The following PDGFC variants were observed in gnomAD, a reference collection of about 807,000 sequenced individuals.
The protein encoded by PDGFC is platelet-derived growth factor C.
Under a neutral mutation model 35.5 loss-of-function variants are expected in PDGFC, and 12 were observed. That is an observed-to-expected ratio of 0.34 (90% confidence interval 0.22 to 0.55). The LOEUF is 0.55. PDGFC is among the 20% of genes least tolerant of loss of function. The probability of loss-of-function intolerance (pLI) is 0.91; values close to 1 mark genes in which losing one functional copy is unlikely to be tolerated. For missense variants in PDGFC, 322 were observed against 412.4 expected, an observed-to-expected ratio of 0.78 and a Z score of 1.90; for synonymous variants, 159 against 148.8, an observed-to-expected ratio of 1.07 and a Z score of -0.50.
At chr4:156,925,636 G>C (rs1579103868) in intron 1 of PDGFC, among the ~76,000 whole-genome samples, 1 of 151,900 alleles carries the variant, frequency 6.6e-6, no homozygotes, top group South Asian at 2.1e-4. Flanking sequence ...TTTGGAATTA[G>C]AGAGAAACAT....
chr4:156,886,681 TCA>T (rs1730384463), intron 1 of PDGFC: 2 of 152,324 alleles, frequency 1.3e-5, no homozygotes, highest in Admixed American at 1.3e-4. Context: ...CTAAACAGAA[TCA>T]TAAGATCTGA....
chr4:156,852,991 C>T (rs945707714), intron 1 of PDGFC, among the ~76,000 whole-genome samples: 1 of 152,156 alleles, frequency 6.6e-6, no homozygotes, highest in African/African-American at 2.4e-5. Flanking sequence ...ACACCTTCAT[C>T]TGAATCTTCT....
At chr4:156,879,586 C>T (rs1372729338) in intron 1 of PDGFC, among the ~76,000 whole-genome samples, 3 of 152,130 alleles carry the variant, frequency 2.0e-5, no homozygotes, top group Non-Finnish European at 2.9e-5. Flanking sequence ...GATGATCAGT[C>T]TTTGTTTAAA....
rs185872535 is a variant in PDGFC at position 156,823,832 on chromosome 4, A to C, written c.315-12815T>G. ...GTAACTATGATATTAAAGCAACCTA[A>C]GTGTCCATCAACGAATAAATGGATA... is the stretch of plus-strand genomic sequence containing the variant. On this transcript the variant is annotated intron_variant, in intron 2 of 5. Coordinates refer to ENST00000502773, the MANE Select transcript of PDGFC (RefSeq NM_016205.3). Among the ~76,000 whole-genome samples the C allele has an allele frequency of 8.5e-5, 13 of 152,318 alleles. 1 individual carries two copies. In the Middle Eastern group the frequency reaches 0.031, roughly 359 times the overall value.
intron 3 of PDGFC, among the ~76,000 whole-genome samples, chr4:156,803,788 A>G (rs1731681159): frequency 6.6e-6 from 1 of 152,196 alleles, no homozygotes; most frequent in African/African-American, 2.4e-5. Flanking sequence ...TTTCTTGACA[A>G]CTGGAAATGT....
At chr4:156,889,137 T>C (rs1453456120) in intron 1 of PDGFC, among the ~76,000 whole-genome samples, 1 of 152,170 alleles carries the variant, frequency 6.6e-6, no homozygotes, top group Non-Finnish European at 1.5e-5. Context: ...AAAACCTAGT[T>C]TTCTTGCCCA....
chr4:156,922,829 A>G (rs1731318506), intron 1 of PDGFC, among the ~76,000 whole-genome samples: 1 of 152,150 alleles, frequency 6.6e-6, no homozygotes, highest in Non-Finnish European at 1.5e-5. Flanking sequence ...AGAAAAACAA[A>G]GAATGGATGA....
intron 2 of PDGFC, among the ~76,000 whole-genome samples, 166 bp from the exon 3 acceptor site, chr4:156,811,183 A>G (rs1044489100): frequency 2.6e-5 from 4 of 152,088 alleles, no homozygotes; most frequent in African/African-American, 9.7e-5. Context: ...GACACAACTG[A>G]AAATGAGGGC....
At chr4:156,816,558 C>T (rs1732092716) in intron 2 of PDGFC, among the ~76,000 whole-genome samples, 1 of 152,122 alleles carries the variant, frequency 6.6e-6, no homozygotes, top group African/African-American at 2.4e-5. Context: ...TATAGTAACT[C>T]ATTTAATCCT....
At chr4:156,925,954 AG>A (rs1246380100) in intron 1 of PDGFC, among the ~76,000 whole-genome samples, 2 of 142,788 alleles carry the variant, frequency 1.4e-5, no homozygotes, top group Non-Finnish European at 3.0e-5. Context: ...CAGTAGGTTG[AG>A]GTGAGAGGAT....
intron 4 of PDGFC, among the ~76,000 whole-genome samples, chr4:156,768,387 TA>T (rs1730598717): frequency 6.6e-6 from 1 of 151,812 alleles, no homozygotes; most frequent in Non-Finnish European, 1.5e-5. Flanking sequence ...ATGCTTTGAT[TA>T]AAAAACAAGT....
chr4:156,917,413 C>T (rs1036536041), intron 1 of PDGFC, among the ~76,000 whole-genome samples: 6 of 152,200 alleles, frequency 3.9e-5, no homozygotes, highest in African/African-American at 1.4e-4. Flanking sequence ...CCAGCTACCA[C>T]CATCTCAAGG....
intron 2 of PDGFC, among the ~76,000 whole-genome samples, chr4:156,829,440 G>A (rs897766562): frequency 3.9e-5 from 6 of 152,140 alleles, no homozygotes; most frequent in African/African-American, 1.4e-4. Flanking sequence ...GTGCCCACTT[G>A]GCTAAATCTA....
chr4:156,803,282 T>G (rs1731665949), intron 3 of PDGFC, among the ~76,000 whole-genome samples: 1 of 152,020 alleles, frequency 6.6e-6, no homozygotes, highest in Non-Finnish European at 1.5e-5. Context: ...AGCCAAAAAA[T>G]AATTCTAAGG....
At chr4:156,858,153 C>G (rs766646933) in intron 1 of PDGFC, among the ~76,000 whole-genome samples, 1 of 151,966 alleles carries the variant, frequency 6.6e-6, no homozygotes, top group Non-Finnish European at 1.5e-5. Flanking sequence ...GAAAATATCC[C>G]AATTTGCATC....
intron 2 of PDGFC, among the ~76,000 whole-genome samples, chr4:156,828,293 T>C (rs1329517751): frequency 1.3e-5 from 2 of 152,182 alleles, no homozygotes; most frequent in African/African-American, 4.8e-5. Flanking sequence ...ACCTGACACA[T>C]GCCCCATCTC....
At chr4:156,911,617 A>T (rs1198476795) in intron 1 of PDGFC, among the ~76,000 whole-genome samples, 1 of 152,114 alleles carries the variant, frequency 6.6e-6, no homozygotes, top group East Asian at 1.9e-4. Flanking sequence ...GTGTTATATT[A>T]TTATTCTCAT....
chr4:156,766,497 T>A (rs112011897), intron 5 of PDGFC, among the ~76,000 whole-genome samples: 2,507 of 152,258 alleles, frequency 0.016, 70 homozygotes, highest in African/African-American at 0.056. Flanking sequence ...TCAGGTGCCA[T>A]ACATGTATCA....
At chr4:156,880,611 A>G (rs746738419) in intron 1 of PDGFC, among the ~76,000 whole-genome samples, 4 of 152,212 alleles carry the variant, frequency 2.6e-5, no homozygotes, top group Non-Finnish European at 5.9e-5. Flanking sequence ...AAGTCTTATT[A>G]TTTAAGGAAT....
Sources: allele counts gnomAD v4.1 joint callset (sites outside exome capture counted in the v4.1 genomes callset), GRCh38; gene constraint gnomAD v4.1.1; transcripts MANE v1.5; gene names NCBI Gene and HGNC (gene_info 2026-07-23, HGNC 2026-07-21).